WNT8A: variants seen among roughly 807,000 people sequenced by gnomAD.
WNT8A encodes the protein Wnt family member 8A, also known as protein Wnt-8a.
A neutral mutation model predicts 20.5 loss-of-function variants in WNT8A; 14 were observed. The observed-to-expected ratio is 0.68, with a 90% CI of 0.45 to 1.07. The LOEUF (loss-of-function observed/expected upper bound fraction) is 1.07, where lower values mean the gene tolerates loss of function less well. Ranked by LOEUF, WNT8A falls within the 50% of genes least tolerant of loss-of-function variation. WNT8A has a pLI of 0.00. For synonymous variants in WNT8A, 167 were observed against 169.2 expected, an observed-to-expected ratio of 0.99 and a Z score of 0.10; for missense variants, 397 against 462.9, an observed-to-expected ratio of 0.86 and a Z score of 1.31.
chr5:138,082,921 A>AAATAAAT (rs1435567497), upstream of WNT8A, among the ~76,000 whole-genome samples: 62 of 125,538 alleles, frequency 4.9e-4, no homozygotes, highest in Non-Finnish European at 8.0e-4. Flanking sequence ...ATAAATAAAT[A>AAATAAAT]AAATAAAATA....
rs374517300 is a variant in WNT8A at position 138,091,019 on chromosome 5, T to C, written c.1056T>C (p.Tyr352=). 1.9e-6 allele frequency: 3 copies of C among 1,613,968 alleles called. No individual in the cohort carries two copies. The highest frequency in any genetic ancestry group is 1.1e-5 in the South Asian group (1 of 91,086). The change falls in exon 5 of 5, where the codon TAT becomes TAC. Residue 352 remains tyrosine (Y), a synonymous_variant. Coordinates refer to ENST00000506684, the MANE Select transcript of WNT8A (RefSeq NM_001300939.2). ...AGTGTAGGCATGTGGTGAGCAAGTA[T>C]TACTGCGCACGCTCCCCAGGCAGTG... ...CDQCRHVVSK[Y]YCARSPGSAQ...
At chr5:138,085,573 C>T (rs1488233119) in intron 2 of WNT8A, among the ~76,000 whole-genome samples, 4 of 152,158 alleles carry the variant, frequency 2.6e-5, no homozygotes, top group Non-Finnish European at 1.5e-5. Context: ...TGGCTAAGCA[C>T]GTGTTGGAAC....
At chr5:138,083,860 G>C (rs1435801715), upstream of WNT8A, 1 of 461,192 alleles carries the variant, frequency 2.2e-6, no homozygotes, top group Non-Finnish European at 3.8e-6. Context: ...GGCTGGAGGG[G>C]CTGGGCAGGG....
At chr5:138,081,523 A>G (rs997100023), upstream of WNT8A, among the ~76,000 whole-genome samples, 2 of 152,028 alleles carry the variant, frequency 1.3e-5, no homozygotes, top group African/African-American at 2.4e-5. Flanking sequence ...ATGGAAATCA[A>G]CCCTGCTGTC....
At chr5:138,080,600 G>A (rs2151142342), upstream of WNT8A, among the ~76,000 whole-genome samples, 1 of 151,776 alleles carries the variant, frequency 6.6e-6, no homozygotes, top group East Asian at 2.0e-4. Flanking sequence ...ACAGGAGTGA[G>A]CCCTGGACTT....
At chr5:138,081,527 T>C (rs1581352468), upstream of WNT8A, among the ~76,000 whole-genome samples, 1 of 152,052 alleles carries the variant, frequency 6.6e-6, no homozygotes, top group East Asian at 1.9e-4. Flanking sequence ...AAATCAACCC[T>C]GCTGTCTTAA....
chr5:138,079,850 T>C (rs568002022), upstream of WNT8A, among the ~76,000 whole-genome samples: 1 of 152,298 alleles, frequency 6.6e-6, no homozygotes, highest in African/African-American at 2.4e-5. Context: ...AGACTTGATG[T>C]GGAATGCCTC....
Position 138,084,099 on chromosome 5 carries a change from C to G in WNT8A, c.-29C>G, listed in dbSNP as rs199755858. The G allele has an allele frequency of 1.2e-3, 1,967 of 1,613,172 alleles. 22 individuals carry two copies. The South Asian group carries it at 0.014, about 11-fold the overall frequency. On this transcript the variant is annotated 5_prime_UTR_variant, in exon 1 of 5. Transcript: ENST00000506684. ...TGGGGTAGGCAGGGCGATGGGGAACCTGTTTATGCTCTGGGCAGCTCTGGG... is the reference window on the plus strand; with the variant it reads ...TGGGGTAGGCAGGGCGATGGGGAACGTGTTTATGCTCTGGGCAGCTCTGGG...
At chr5:138,077,936 C>A in the WNT8A span, among the ~76,000 whole-genome samples, 66,455 of 151,850 alleles carry the variant, frequency 0.44, 15,140 homozygotes, top group East Asian at 0.6. Context: ...GATCCCCCCT[C>A]ATATGCCTCT....
At chr5:138,086,821 G>A (rs1360315648) in intron 2 of WNT8A, among the ~76,000 whole-genome samples, 29 of 145,252 alleles carry the variant, frequency 2.0e-4, no homozygotes, top group African/African-American at 7.4e-4. Context: ...GATCACTTGA[G>A]CCCAGGAGTT....
chr5:138,084,125 C>A lies in WNT8A; in HGVS notation c.-3C>A. ...TGTTTATGCTCTGGGCAGCTCTGGG[C>A]ATATGCTGTGCTGCATTCAGTGCCT... On this transcript the variant is annotated 5_prime_UTR_variant, in exon 1 of 5. Coordinates refer to ENST00000506684, the MANE Select transcript of WNT8A (RefSeq NM_001300939.2). 18 of 1,614,178 alleles carry A rather than the reference C, an allele frequency of 1.1e-5. No individual in the cohort carries two copies. Among genetic ancestry groups the A allele is most frequent in the Non-Finnish European group, 1.5e-5 (18 of 1,180,026 alleles).
upstream of WNT8A, among the ~76,000 whole-genome samples, chr5:138,079,993 C>T (rs556826492): frequency 6.6e-6 from 1 of 152,248 alleles, no homozygotes; most frequent in East Asian, 1.9e-4. Flanking sequence ...ATCTTAAAGG[C>T]TCATCTAATC....
At chr5:138,087,781 G>A (rs766816658) in intron 2 of WNT8A, 25 bp from the exon 3 acceptor site, 2 of 1,609,126 alleles carry the variant, frequency 1.2e-6, no homozygotes, top group South Asian at 2.2e-5. Context: ...CAGGTTTCCA[G>A]TCAGTTCCCT....
At chr5:138,088,646 A>G (rs1193780224) in intron 3 of WNT8A, among the ~76,000 whole-genome samples, 2 of 151,856 alleles carry the variant, frequency 1.3e-5, no homozygotes, top group South Asian at 2.1e-4. Context: ...GTGAGCCACC[A>G]CGCCTGGCCA....
rs1341998258 is a variant in WNT8A, at chr5:138,090,993, C to A, written c.1030C>A (p.Gln344Lys). The change falls in exon 5 of 5, where the codon CAG (glutamine) becomes AAG (lysine). Residue 344 changes from glutamine to lysine, a missense_variant. By Grantham distance (53) the Gln-to-Lys change is moderately conservative (BLOSUM62 1). Transcript: ENST00000506684. ...GTGGTGCTGTACGGTCAAGTGTGAC[C>A]AGTGTAGGCATGTGGTGAGCAAGTA... ...FQWCCTVKCD[Q>K]CRHVVSKYYC... is the part of the protein sequence containing the mutation. The A allele has an allele frequency of 6.2e-7, 1 of 1,614,148 alleles. No homozygotes were observed. The highest frequency in any genetic ancestry group is 8.5e-7 in the Non-Finnish European group (1 of 1,180,024).
rs766312294 is a variant in WNT8A at position 138,090,555 on chromosome 5, T to G, written c.592T>G (p.Cys198Gly). 186 of 1,614,004 alleles carry G rather than the reference T, an allele frequency of 1.2e-4. No homozygotes were observed. The highest frequency in any genetic ancestry group is 1.5e-4 in the Non-Finnish European group (173 of 1,180,002). ...AGTGAGAGCCACCATGAAAAGGACA[T>G]GCAAATGTCATGGCATCTCTGGGAG... is the stretch of plus-strand genomic sequence containing the variant. The part of the protein sequence containing the change: ...LAVRATMKRT[C>G]KCHGISGSCS... The change falls in exon 5 of 5, where the codon TGC (cysteine) becomes GGC (glycine). Residue 198 changes from cysteine (C) to glycine (G), a missense_variant. Transcript: ENST00000506684.
chr5:138,087,218 G>A (rs550801567), intron 2 of WNT8A, among the ~76,000 whole-genome samples: 2 of 147,164 alleles, frequency 1.4e-5, no homozygotes, highest in South Asian at 4.4e-4. Flanking sequence ...TTAGCTGGGG[G>A]TGGTGGCATG....
upstream of WNT8A, among the ~76,000 whole-genome samples, chr5:138,083,578 G>T (rs1750563344): frequency 6.6e-6 from 1 of 152,146 alleles, no homozygotes; most frequent in Non-Finnish European, 1.5e-5. Flanking sequence ...AGGTAAATGA[G>T]TAGGAAGCAG....
chr5:138,084,681 ATGGAG>A lies in WNT8A; in HGVS notation c.295+49_295+53del, dbSNP rs1446637054. 7.1e-6 allele frequency: 11 copies of A among 1,557,434 alleles called. No homozygotes were observed. In the East Asian group the frequency reaches 1.4e-4, roughly 19 times the overall value. ...ACCTGTACAAGGGGTATATATGTGA[ATGGAG>A]TGGGGCTTGCAGTATGTGTATATGT... On this transcript the variant is annotated intron_variant, in intron 2 of 4. Coordinates refer to ENST00000506684, the MANE Select transcript of WNT8A (RefSeq NM_001300939.2).
Sources: gnomAD v4.1 joint callset for allele counts (sites outside exome capture counted in the v4.1 genomes callset) on GRCh38, gnomAD v4.1.1 for gene constraint, MANE v1.5 for transcripts, NCBI Gene and HGNC (gene_info 2026-07-23, HGNC 2026-07-21) for gene names.